The following CDC14B variants were observed in gnomAD, a reference collection of about 807,000 sequenced individuals.
CDC14B encodes dual specificity protein phosphatase CDC14B.
In CDC14B, 22 loss-of-function variants were observed where a neutral mutation model predicts 64.2. The ratio of observed to expected loss-of-function variants is 0.34; its 90% confidence interval spans 0.24 to 0.49. CDC14B has a LOEUF of 0.49. Among genes scored for constraint, CDC14B ranks in the 20% least tolerant of loss-of-function variants. CDC14B has a pLI of 0.99. For synonymous variants in CDC14B, 191 were observed against 215.8 expected, an observed-to-expected ratio of 0.89 and a Z score of 1.01; for missense variants, 498 against 629.9, an observed-to-expected ratio of 0.79 and a Z score of 2.24.
Position 96,520,161 on chromosome 9 carries a change from C to T in CDC14B, c.1343+2345G>A, listed in dbSNP as rs538268945. Among the ~76,000 whole-genome samples, 145 of 152,262 alleles carry T rather than the reference C, an allele frequency of 9.5e-4. 1 individual carries two copies. Among genetic ancestry groups the T allele is most frequent in the Admixed American group, 3.8e-3 (58 of 15,294 alleles). On this transcript the variant is annotated intron_variant, in intron 12 of 13. Coordinates refer to ENST00000375241, the MANE Select transcript of CDC14B (RefSeq NM_033331.4). ...AGGAAGGAGATTTGCTGAGACTCAT[C>T]AAAAATCCCCTCGGGTCTATACACA...
intron 1 of CDC14B, chr9:96,567,118 C>T (rs893168576): frequency 6.5e-6 from 4 of 614,490 alleles, no homozygotes; most frequent in Admixed American, 6.8e-5. Context: ...GCTGGGAACG[C>T]GGGGCGGCCT....
chr9:96,526,877 C>T (rs1350062039), intron 9 of CDC14B, among the ~76,000 whole-genome samples: 6 of 152,184 alleles, frequency 3.9e-5, no homozygotes, highest in South Asian at 4.1e-4. Flanking sequence ...TGCCAAATGT[C>T]GGGTGTGTGA....
rs1423882320 is a variant in CDC14B at position 96,515,705 on chromosome 9, G to C, written c.1344-5916C>G. ...ACTGTGTTCTGAAACCATCGAGACA[G>C]AATAGCAGGATGGGAAGAATGTAGT... On this transcript the variant is annotated intron_variant, in intron 12 of 13. Coordinates refer to ENST00000375241, the MANE Select transcript of CDC14B (RefSeq NM_033331.4). The surrounding 1 kb of genome is among the most constrained non-coding windows in gnomAD (Gnocchi z 4.3). The C allele has an allele frequency of 6.2e-7, 1 of 1,604,252 alleles. No homozygotes were observed. The highest frequency in any genetic ancestry group is 8.5e-7 in the Non-Finnish European group (1 of 1,175,766).
At chr9:96,517,861 A>G (rs1484395903) in intron 12 of CDC14B, among the ~76,000 whole-genome samples, 1 of 150,782 alleles carries the variant, frequency 6.6e-6, no homozygotes. Context: ...TTGTAGAGAC[A>G]GAATCTCACT....
intron 9 of CDC14B, among the ~76,000 whole-genome samples, chr9:96,524,949 AG>A (rs1837334984): frequency 6.6e-6 from 1 of 152,212 alleles, no homozygotes; most frequent in South Asian, 2.1e-4. Flanking sequence ...GAAATGGAGA[AG>A]TGGCTTTGTG....
At chr9:96,595,724 C>T (rs967541010) in intron 1 of CDC14B, among the ~76,000 whole-genome samples, 40 of 152,080 alleles carry the variant, frequency 2.6e-4, no homozygotes, top group East Asian at 1.5e-3. Flanking sequence ...ACAAATAGTA[C>T]GATCTCATTT....
intron 7 of CDC14B, among the ~76,000 whole-genome samples, chr9:96,536,147 A>C (rs1437412114): frequency 6.6e-6 from 1 of 152,202 alleles, no homozygotes; most frequent in Non-Finnish European, 1.5e-5. Context: ...ACTATCCCCA[A>C]ATTTCTAAAT....
At chr9:96,558,497 G>A (rs1170238836) in intron 4 of CDC14B, among the ~76,000 whole-genome samples, 1 of 152,094 alleles carries the variant, frequency 6.6e-6, no homozygotes, top group Non-Finnish European at 1.5e-5. Context: ...ATACATCTGT[G>A]CATATACACA....
chr9:96,516,683 C>T (rs975940667), intron 12 of CDC14B, among the ~76,000 whole-genome samples: 6 of 152,096 alleles, frequency 3.9e-5, no homozygotes, highest in African/African-American at 1.4e-4. Context: ...ACCACGTTGG[C>T]CAGGCTGGTC....
At chr9:96,607,530 C>G (rs1024217255) in intron 1 of CDC14B, among the ~76,000 whole-genome samples, 1 of 151,416 alleles carries the variant, frequency 6.6e-6, no homozygotes, top group African/African-American at 2.4e-5. Context: ...ACGCCATTCT[C>G]CTGCCTCAGC....
chr9:96,590,083 T>C (rs1845691324), intron 1 of CDC14B, among the ~76,000 whole-genome samples: 1 of 152,076 alleles, frequency 6.6e-6, no homozygotes, highest in Admixed American at 6.6e-5. Context: ...GCGCAATACA[T>C]CTCAAAGTTT....
At chr9:96,544,402 G>C (rs1840511363) in intron 5 of CDC14B, among the ~76,000 whole-genome samples, 1 of 152,128 alleles carries the variant, frequency 6.6e-6, no homozygotes, top group African/African-American at 2.4e-5. Flanking sequence ...GCAAGAAAAG[G>C]CATCCTTTTT....
At chr9:96,506,983 C>T (rs182090388) in intron 13 of CDC14B, among the ~76,000 whole-genome samples, 1 of 152,344 alleles carries the variant, frequency 6.6e-6, no homozygotes, top group East Asian at 1.9e-4. Context: ...ATGTGCAAGA[C>T]ACACTACGCT....
In CDC14B at chr9:96,515,708, T is replaced by G; in HGVS notation, c.1344-5919A>C. On this transcript the variant is annotated intron_variant, in intron 12 of 13. Coordinates refer to ENST00000375241, the MANE Select transcript of CDC14B (RefSeq NM_033331.4). This position sits in a 1 kb window ranked among gnomAD's most constrained non-coding sequence, Gnocchi z 4.3. ...GTGTTCTGAAACCATCGAGACAGAA[T>G]AGCAGGATGGGAAGAATGTAGTCAC... 1 of 1,604,344 alleles carries G rather than the reference T, an allele frequency of 6.2e-7. No individual in the cohort carries two copies. The highest frequency in any genetic ancestry group is 8.5e-7 in the Non-Finnish European group (1 of 1,175,996).
chr9:96,523,784 T>C (rs1837143687), intron 9 of CDC14B, 59 bp from the exon 10 acceptor site: 1 of 1,571,682 alleles, frequency 6.4e-7, no homozygotes. Context: ...AGGATTTTGT[T>C]GGGCAGGCAG....
chr9:96,521,455 A>G (rs900909954), intron 12 of CDC14B, among the ~76,000 whole-genome samples: 7 of 152,246 alleles, frequency 4.6e-5, no homozygotes, highest in African/African-American at 1.7e-4. Flanking sequence ...ATAAATGCCT[A>G]TAATCAAAAT....
chr9:96,536,247 G>C (rs1286921089), intron 7 of CDC14B, among the ~76,000 whole-genome samples: 4 of 152,130 alleles, frequency 2.6e-5, no homozygotes, highest in Non-Finnish European at 5.9e-5. Context: ...TTTGTGGTGT[G>C]CCCCTGCTAC....
At chr9:96,614,367 G>C (rs1045587436) in intron 1 of CDC14B, among the ~76,000 whole-genome samples, 14 of 151,922 alleles carry the variant, frequency 9.2e-5, no homozygotes, top group African/African-American at 3.4e-4. Flanking sequence ...TCAGCCTCCG[G>C]AGTAGGGGTT....
intron 9 of CDC14B, among the ~76,000 whole-genome samples, chr9:96,528,655 T>A (rs561327934): frequency 2.0e-5 from 3 of 152,364 alleles, no homozygotes; most frequent in Admixed American, 1.3e-4. Flanking sequence ...ACGTTAATTT[T>A]TTCAGGAACT....
Sources: allele counts gnomAD v4.1 joint callset (sites outside exome capture counted in the v4.1 genomes callset), GRCh38; gene constraint gnomAD v4.1.1; non-coding constraint Gnocchi (gnomAD v3.1); transcripts MANE v1.5; gene names NCBI Gene and HGNC (gene_info 2026-07-23, HGNC 2026-07-21).